YARS1: variants seen among roughly 807,000 people sequenced by gnomAD.
YARS1 encodes tyrosyl-tRNA synthetase 1, also known as tyrosine--tRNA ligase, cytoplasmic.
A neutral mutation model predicts 62.2 loss-of-function variants in YARS1; 36 were observed. The observed-to-expected ratio is 0.58, with a 90% CI of 0.44 to 0.76. The LOEUF (loss-of-function observed/expected upper bound fraction) is 0.76, where lower values mean the gene tolerates loss of function less well. YARS1 is among the 30% of genes least tolerant of loss of function. The probability of loss-of-function intolerance (pLI) is 0.00; values close to 1 mark genes in which losing one functional copy is unlikely to be tolerated. For missense variants in YARS1, 524 were observed against 639.8 expected, an observed-to-expected ratio of 0.82 and a Z score of 1.95; for synonymous variants, 234 against 244.9, an observed-to-expected ratio of 0.96 and a Z score of 0.42.
chr1:32,778,066 T>C (rs1652928025), intron 12 of YARS1, among the ~76,000 whole-genome samples: 2 of 152,180 alleles, frequency 1.3e-5, no homozygotes, highest in Admixed American at 6.5e-5. Flanking sequence ...TGCAAGAGGA[T>C]GGAGAGTAGA....
chr1:32,784,922 G>A (rs1338288445), intron 8 of YARS1, among the ~76,000 whole-genome samples: 1 of 152,128 alleles, frequency 6.6e-6, no homozygotes, highest in Non-Finnish European at 1.5e-5. Context: ...AGTGTCTGTT[G>A]AAATGAATAG....
intron 8 of YARS1, among the ~76,000 whole-genome samples, chr1:32,785,475 C>T (rs1463213718): frequency 6.6e-6 from 1 of 151,518 alleles, no homozygotes; most frequent in Non-Finnish European, 1.5e-5. Flanking sequence ...AAAAAAAACC[C>T]CACAAAAACA....
In YARS1 at chr1:32,786,965, C is replaced by A; in HGVS notation, c.795G>T (p.Lys265Asn). 6.2e-7 allele frequency: 1 copy of A among 1,614,074 alleles called. No individual in the cohort carries two copies. Among genetic ancestry groups the A allele is most frequent in the Non-Finnish European group, 8.5e-7 (1 of 1,179,986 alleles). ...VENNGVLSFIKHVLFPLKSEF... is the reference protein window; with the variant it reads ...VENNGVLSFINHVLFPLKSEF... ...CGGACTTAAGGGGAAAAAGGACATGCTTGATGAAGGACAGAACCCCATTGT... is the reference window on the plus strand; with the variant it reads ...CGGACTTAAGGGGAAAAAGGACATGATTGATGAAGGACAGAACCCCATTGT... The change falls in exon 7 of 13, where the codon AAG becomes AAT. Residue 265 changes from lysine to asparagine, a missense_variant. Transcript: ENST00000373477.
In YARS1 at chr1:32,776,932, A is replaced by C. The variant is rs1323338961; in HGVS notation, c.1477-841T>G. ...TGGCGGGCCGAGATCACGCCACCACACTCCAGCCTGGGTGACAGAGTGAGA... is the reference window on the plus strand; with the variant it reads ...TGGCGGGCCGAGATCACGCCACCACCCTCCAGCCTGGGTGACAGAGTGAGA... On this transcript the variant is annotated intron_variant, in intron 12 of 12. Transcript: ENST00000373477. The surrounding 1 kb of genome is among the most constrained non-coding windows in gnomAD (Gnocchi z 4.0). 2.0e-5 allele frequency among the ~76,000 whole-genome samples: 3 copies of C among 151,480 alleles called. No individual in the cohort carries two copies. Among genetic ancestry groups the C allele is most frequent in the Non-Finnish European group, 4.4e-5 (3 of 67,886 alleles).
chr1:32,811,807 C>A (rs1638593161), intron 1 of YARS1, among the ~76,000 whole-genome samples: 1 of 151,272 alleles, frequency 6.6e-6, no homozygotes. Flanking sequence ...CTAGTATCAC[C>A]CTTGATGTTG....
At chr1:32,790,364 T>C (rs1653376131) in intron 6 of YARS1, among the ~76,000 whole-genome samples, 1 of 150,058 alleles carries the variant, frequency 6.7e-6, no homozygotes, top group Middle Eastern at 3.4e-3. Flanking sequence ...CAAAATAAAA[T>C]TAGCCAGGCA....
chr1:32,779,555 G>A, intron 11 of YARS1, 32 bp from the exon 12 acceptor site: 1 of 1,614,098 alleles, frequency 6.2e-7, no homozygotes. Flanking sequence ...GAAGAGTGAG[G>A]CTATGGATGG....
intron 5 of YARS1, among the ~76,000 whole-genome samples, chr1:32,797,034 A>T (rs1399486285): frequency 1.3e-5 from 1 of 75,676 alleles, no homozygotes; most frequent in Non-Finnish European, 2.4e-5. Flanking sequence ...ATATATATAT[A>T]TATATATATA....
chr1:32,778,234 C>G (rs575015168), intron 12 of YARS1, among the ~76,000 whole-genome samples: 1 of 152,278 alleles, frequency 6.6e-6, no homozygotes, highest in Non-Finnish European at 1.5e-5. Flanking sequence ...TACTGCCTGA[C>G]AGCTATATTA....
At chr1:32,815,002 G>A (rs1638670311) in intron 1 of YARS1, among the ~76,000 whole-genome samples, 1 of 152,062 alleles carries the variant, frequency 6.6e-6, no homozygotes, top group African/African-American at 2.4e-5. Context: ...CTGACAACGT[G>A]GACACTTGGA....
intron 9 of YARS1, chr1:32,781,727 C>T (rs1385868169): frequency 6.0e-6 from 1 of 165,780 alleles, no homozygotes; most frequent in Non-Finnish European, 1.3e-5. Flanking sequence ...CTTCTCTAAG[C>T]TCTGCAGGCT....
At position 32,812,492 on chromosome 1, in the gene YARS1, C is replaced by T. The variant is rs569869853; in HGVS notation, c.58-1435G>A. Among the ~76,000 whole-genome samples, 68 of 152,332 alleles carry T rather than the reference C, an allele frequency of 4.5e-4. No individual in the cohort carries two copies. The South Asian group carries it at 0.014, about 31-fold the overall frequency. On this transcript the variant is annotated intron_variant, in intron 1 of 12. Coordinates refer to ENST00000373477, the MANE Select transcript of YARS1 (RefSeq NM_003680.4). Reference sequence around the variant, plus strand: ...AAGTATTTTACCCCAAAAGATATTTCTTTGACATATTTTGAAATGGCCCTG... The same window carrying T: ...AAGTATTTTACCCCAAAAGATATTTTTTTGACATATTTTGAAATGGCCCTG...
Position 32,780,938 on chromosome 1 carries a change from A to G in YARS1, c.1140+110T>C, listed in dbSNP as rs1319028104. On this transcript the variant is annotated intron_variant, in intron 10 of 12. Transcript: ENST00000373477. ...ATTAGACACCTGCACTCTGACTTGC[A>G]ATATGACCTCAGGATGTTACTTCCC... 11 of 972,138 alleles carry G rather than the reference A, an allele frequency of 1.1e-5. 1 individual carries two copies. The highest frequency in any genetic ancestry group is 1.8e-5 in the Non-Finnish European group (11 of 605,532). The allele number at this position is 972,138 out of a possible 1,614,324, so 60.2% of individuals were successfully genotyped here. A position where few individuals can be genotyped will look rare whatever the true frequency, so the allele number is the denominator to read the frequency against.
chr1:32,806,631 G>A lies in YARS1; in HGVS notation c.381-20C>T. 1 of 1,614,082 alleles carries A rather than the reference G, an allele frequency of 6.2e-7. No individual in the cohort carries two copies. The highest frequency in any genetic ancestry group is 1.3e-5 in the African/African-American group (1 of 75,036). ...TACTCTCTGAAGAGGAAAGGAAGAG[G>A]GGACAGCTGTAAACCTGGGCCTAGG... is the stretch of plus-strand genomic sequence containing the variant. On this transcript the variant is annotated intron_variant, in intron 3 of 12. Coordinates refer to ENST00000373477, the MANE Select transcript of YARS1 (RefSeq NM_003680.4).
intron 8 of YARS1, 76 bp downstream of exon 8, chr1:32,786,285 TA>T: frequency 7.0e-7 from 1 of 1,432,556 alleles, no homozygotes; most frequent in Non-Finnish European, 9.7e-7. Context: ...CAAGTTGTTC[TA>T]AACAAGTTCT....
chr1:32,783,267 G>A (rs1021311886), intron 8 of YARS1: 2 of 152,394 alleles, frequency 1.3e-5, no homozygotes, highest in African/African-American at 4.8e-5. Flanking sequence ...AACGCTGCTC[G>A]TACATGGTAA....
chr1:32,781,263 A>C (rs910354942), intron 9 of YARS1, 118 bp from the exon 10 acceptor site: 58 of 855,438 alleles, frequency 6.8e-5, no homozygotes, highest in Non-Finnish European at 1.1e-4. Flanking sequence ...CCCAGAGTCT[A>C]AACACTGAGT....
At chr1:32,803,026 G>A (rs1268397000) in intron 4 of YARS1, among the ~76,000 whole-genome samples, 6 of 146,546 alleles carry the variant, frequency 4.1e-5, no homozygotes, top group African/African-American at 1.5e-4. Context: ...ATTGTTGCCC[G>A]GGCTGGAGTG....
chr1:32,789,342 T>C (rs12032306), intron 6 of YARS1, among the ~76,000 whole-genome samples: 20,889 of 152,212 alleles, frequency 0.14, 1,786 homozygotes, highest in South Asian at 0.23. Context: ...CTAATCAACA[T>C]TGCTGTCGAC....
Sources: allele counts gnomAD v4.1 joint callset (sites outside exome capture counted in the v4.1 genomes callset), GRCh38; gene constraint gnomAD v4.1.1; non-coding constraint Gnocchi (gnomAD v3.1); transcripts MANE v1.5; gene names NCBI Gene and HGNC (gene_info 2026-07-23, HGNC 2026-07-21).